SRRM4: variants seen among roughly 807,000 people sequenced by gnomAD.
The protein encoded by SRRM4 is serine/arginine repetitive matrix protein 4.
In SRRM4, 33 loss-of-function variants were observed where a neutral mutation model predicts 68.9. The ratio of observed to expected loss-of-function variants is 0.48; its 90% confidence interval spans 0.36 to 0.64. The LOEUF is 0.64. Ranked by LOEUF, SRRM4 falls within the 30% of genes least tolerant of loss-of-function variation. SRRM4 has a pLI of 0.00. For missense variants in SRRM4, 817 were observed against 827.1 expected (o/e 0.99, Z 0.15); for synonymous variants, 318 against 318.8 (o/e 1.00, Z 0.03).
intron 1 of SRRM4, among the ~76,000 whole-genome samples, chr12:119,098,033 G>A (rs1476120478): frequency 6.6e-6 from 1 of 152,220 alleles, no homozygotes; most frequent in African/African-American, 2.4e-5. Flanking sequence ...GTAATAATGT[G>A]TGACTTGCAA....
Position 118,981,959 on chromosome 12 carries a change from C to T in SRRM4, c.77C>T (p.Pro26Leu). ...WRGTFKAVAT[P>L]RPESIIVASI... ...GGAACCTTCAAAGCGGTGGCCACCC[C>T]CCGTCCCGAGAGCATCATTGTCGCC... The change falls in exon 1 of 13, where the codon CCC becomes CTC. Residue 26 changes from proline to leucine, a missense_variant. Transcript: ENST00000267260. The T allele has an allele frequency of 2.5e-6, 4 of 1,612,392 alleles. No homozygotes were observed. The highest frequency in any genetic ancestry group is 3.4e-6 in the Non-Finnish European group (4 of 1,179,354).
intron 1 of SRRM4, among the ~76,000 whole-genome samples, chr12:119,010,883 A>G (rs1374004736): frequency 2.0e-5 from 3 of 152,268 alleles, no homozygotes; most frequent in Admixed American, 6.5e-5. Flanking sequence ...TGTATTAAAC[A>G]TAGATCTCTA....
intron 1 of SRRM4, among the ~76,000 whole-genome samples, chr12:118,982,674 T>TA (rs1555212608): frequency 1.6e-5 from 2 of 121,578 alleles, no homozygotes; most frequent in East Asian, 4.4e-4. Flanking sequence ...ATTTTGTTTT[T>TA]TTTTGTTTTT....
intron 1 of SRRM4, among the ~76,000 whole-genome samples, chr12:119,097,369 G>A (rs1592896863): frequency 6.6e-6 from 1 of 152,172 alleles, no homozygotes; most frequent in Admixed American, 6.5e-5. Context: ...GTTAGGATCC[G>A]ATCTGTGGTT....
At chr12:118,998,298 A>AAAAAAAAAAAG (rs1953362214) in intron 1 of SRRM4, among the ~76,000 whole-genome samples, 1 of 143,092 alleles carries the variant, frequency 7.0e-6, no homozygotes, top group Non-Finnish European at 1.5e-5. Flanking sequence ...AAAAAAAAAA[A>AAAAAAAAAAAG]ATCACAGAGA....
At chr12:119,151,246 T>G in intron 10 of SRRM4, 26 bp downstream of exon 10, 1 of 1,592,258 alleles carries the variant, frequency 6.3e-7, no homozygotes, top group Non-Finnish European at 8.6e-7. Context: ...ACCTTTGCTC[T>G]GCAGCACCTT....
intron 5 of SRRM4, among the ~76,000 whole-genome samples, chr12:119,120,760 C>T (rs11064669): frequency 0.54 from 82,352 of 151,840 alleles, 22,932 homozygotes; most frequent in Middle Eastern, 0.68. Flanking sequence ...TTAATCCCTA[C>T]CACAACCTTG....
At chr12:119,126,343 C>A (rs1242708251) in intron 7 of SRRM4, among the ~76,000 whole-genome samples, 15 of 152,036 alleles carry the variant, frequency 9.9e-5, no homozygotes, top group Non-Finnish European at 2.1e-4. Flanking sequence ...CTTTGTACAT[C>A]CACTTGCAGG....
At chr12:119,124,830 TA>T (rs140712170) in intron 6 of SRRM4, among the ~76,000 whole-genome samples, 15 of 151,204 alleles carry the variant, frequency 9.9e-5, no homozygotes, top group South Asian at 2.1e-4. Flanking sequence ...AAGGTGCCTT[TA>T]AAAAAAAATA....
At chr12:119,040,344 TGTCC>T (rs1371701066) in intron 1 of SRRM4, among the ~76,000 whole-genome samples, 1 of 152,184 alleles carries the variant, frequency 6.6e-6, no homozygotes, top group African/African-American at 2.4e-5. Flanking sequence ...TTATCCCCTG[TGTCC>T]CTTCCACTCT....
intron 1 of SRRM4, among the ~76,000 whole-genome samples, chr12:119,004,944 T>C (rs1264147278): frequency 6.6e-6 from 1 of 150,484 alleles, no homozygotes; most frequent in African/African-American, 2.4e-5. Context: ...TTTCACTGTA[T>C]TTCAGGGGCA....
intron 1 of SRRM4, among the ~76,000 whole-genome samples, chr12:119,045,493 C>G (rs964324138): frequency 2.7e-5 from 4 of 148,724 alleles, no homozygotes; most frequent in African/African-American, 5.0e-5. Flanking sequence ...CGCTCCCCCC[C>G]GCCCCAAAAC....
intron 1 of SRRM4, among the ~76,000 whole-genome samples, chr12:119,088,464 T>A (rs1953993152): frequency 6.6e-6 from 1 of 152,210 alleles, no homozygotes; most frequent in South Asian, 2.1e-4. Flanking sequence ...CAATGATAAT[T>A]ATAATAATAA....
intron 2 of SRRM4, among the ~76,000 whole-genome samples, chr12:119,108,324 A>G (rs1954119927): frequency 6.6e-6 from 1 of 152,182 alleles, no homozygotes; most frequent in Non-Finnish European, 1.5e-5. Context: ...GTAGATGTCT[A>G]TTAGGTCTGC....
intron 7 of SRRM4, among the ~76,000 whole-genome samples, chr12:119,130,117 A>G (rs374851401): frequency 1.3e-3 from 198 of 147,038 alleles, no homozygotes; most frequent in African/African-American, 5.0e-3. Context: ...GAATAGTTAG[A>G]TGGATGGATG....
At chr12:119,015,482 A>G (rs1953475456) in intron 1 of SRRM4, among the ~76,000 whole-genome samples, 3 of 152,028 alleles carry the variant, frequency 2.0e-5, no homozygotes, top group Admixed American at 6.6e-5. Context: ...ATAAAACCCC[A>G]AGCTCCTGTC....
intron 1 of SRRM4, among the ~76,000 whole-genome samples, chr12:119,086,594 A>C (rs1293513966): frequency 6.6e-6 from 1 of 152,224 alleles, no homozygotes; most frequent in Non-Finnish European, 1.5e-5. Flanking sequence ...GTACATTCAC[A>C]GAGGCAAGTG....
chr12:119,079,319 T>C (rs1953934124), intron 1 of SRRM4, among the ~76,000 whole-genome samples: 1 of 152,132 alleles, frequency 6.6e-6, no homozygotes, highest in African/African-American at 2.4e-5. Context: ...ACTCTTCTTA[T>C]CTCAAGAGGA....
At chr12:119,006,560 G>A (rs1163078692) in intron 1 of SRRM4, among the ~76,000 whole-genome samples, 1 of 152,152 alleles carries the variant, frequency 6.6e-6, no homozygotes, top group Non-Finnish European at 1.5e-5. Context: ...AATGGGTTCT[G>A]CAATATGGGA....
Sources: gnomAD v4.1 joint callset for allele counts (sites outside exome capture counted in the v4.1 genomes callset) on GRCh38, gnomAD v4.1.1 for gene constraint, MANE v1.5 for transcripts, NCBI Gene and HGNC (gene_info 2026-07-23, HGNC 2026-07-21) for gene names.